Variants in PLTP observed in about 807,000 individuals in gnomAD.
PLTP encodes BPI fold containing family E.
In PLTP, 43 loss-of-function variants were observed where a neutral mutation model predicts 54.1. The observed-to-expected ratio is 0.79, with a 90% CI of 0.62 to 1.02. The LOEUF is 1.02. Among genes scored for constraint, PLTP ranks in the 50% least tolerant of loss-of-function variants. The pLI, the probability that PLTP is intolerant of heterozygous loss-of-function variation, is 0.00. For synonymous variants in PLTP, 263 were observed against 264.6 expected (o/e 0.99, Z 0.06); for missense variants, 604 against 645.9 (o/e 0.94, Z 0.70).
intron 15 of PLTP, among the ~76,000 whole-genome samples, 156 bp from the exon 16 acceptor site, chr20:45,899,219 GT>G (rs2083149360): frequency 6.6e-6 from 1 of 152,104 alleles, no homozygotes; most frequent in African/African-American, 2.4e-5. Context: ...TAGACTATGG[GT>G]GTCAAGGAGG....
rs766999567 is a variant in PLTP, at chr20:45,910,080, G to A, written c.201-10C>T. On this transcript the variant is annotated splice_polypyrimidine_tract_variant and intron_variant, in intron 3 of 15. Coordinates refer to ENST00000372431, the MANE Select transcript of PLTP (RefSeq NM_006227.4). ...CTCTGTGACCTTCACCCTACAGGAG[G>A]CCTCAGGGTCAGATCCAGGGCCAAG... The A allele has an allele frequency of 3.1e-6, 5 of 1,613,688 alleles. No homozygotes were observed. The Admixed American group carries it at 5.0e-5, about 16-fold the overall frequency.
Position 45,911,271 on chromosome 20 carries a change from C to T in PLTP, c.101-20G>A, listed in dbSNP as rs763420037. 2 of 1,613,766 alleles carry T rather than the reference C, an allele frequency of 1.2e-6. No individual in the cohort carries two copies. The highest frequency in any genetic ancestry group is 3.3e-5 in the Admixed American group (2 of 60,034). On this transcript the variant is annotated intron_variant, in intron 2 of 15. Coordinates refer to ENST00000372431, the MANE Select transcript of PLTP (RefSeq NM_006227.4). The stretch of plus-strand genomic sequence containing the variant: ...GCTTCACTGAAGCAGCAGAGAAACC[C>T]TTACTTAGCTCCCGTGCCCACTGTT...
At chr20:45,903,405 G>A (rs534288967) in intron 10 of PLTP, among the ~76,000 whole-genome samples, 46 of 152,202 alleles carry the variant, frequency 3.0e-4, no homozygotes, top group African/African-American at 1.1e-3. Flanking sequence ...TTGCTTTTGT[G>A]TTTTCGTAGA....
In PLTP at chr20:45,899,648, T is replaced by TGCA. The variant is rs1268863302; in HGVS notation, c.1253_1255dup (p.Leu418dup). 6.2e-7 allele frequency: 1 copy of TGCA among 1,613,700 alleles called. No homozygotes were observed. The highest frequency in any genetic ancestry group is 8.5e-7 in the Non-Finnish European group (1 of 1,179,920). On this transcript the variant is annotated inframe_insertion, in exon 14 of 16. Transcript: ENST00000372431. ...ATTGAGCATGGGCATCACCCCAATC[T>TGCA]GCAGCATGGTCTTCAGAGGGGCCTG...
At chr20:45,899,901 G>A in intron 12 of PLTP, 23 bp from the exon 13 acceptor site, 1 of 1,497,582 alleles carries the variant, frequency 6.7e-7, no homozygotes, top group Non-Finnish European at 9.0e-7. Context: ...AAGGAGCCCT[G>A]TGGGCAGGAA....
At chr20:45,906,222 G>A in intron 8 of PLTP, 46 bp downstream of exon 8, 3 of 1,304,058 alleles carry the variant, frequency 2.3e-6, no homozygotes, top group Non-Finnish European at 3.3e-6. Flanking sequence ...AGAGAAAGAG[G>A]TCTTGTTAGG....
At chr20:45,908,502 C>CA (rs2083261039) in intron 5 of PLTP, among the ~76,000 whole-genome samples, 1 of 151,978 alleles carries the variant, frequency 6.6e-6, no homozygotes, top group Non-Finnish European at 1.5e-5. Context: ...TTCTCAGCAG[C>CA]AAAAATAAAA....
At position 45,898,631 on chromosome 20, in the gene PLTP, G is replaced by C. The variant is rs2083140749; in HGVS notation, c.*310C>G. On this transcript the variant is annotated 3_prime_UTR_variant, in exon 16 of 16. Coordinates refer to ENST00000372431, the MANE Select transcript of PLTP (RefSeq NM_006227.4). This position sits in a 1 kb window ranked among gnomAD's most constrained non-coding sequence, Gnocchi z 4.6. The stretch of plus-strand genomic sequence containing the variant: ...TCTCCCATAGACAGCCTGGGGGCAA[G>C]TTAGCACTTTATTCCCGCAGCAGTT... 2.8e-6 allele frequency: 2 copies of C among 725,402 alleles called. No individual in the cohort carries two copies. The highest frequency in any genetic ancestry group is 4.8e-6 in the Non-Finnish European group (2 of 415,380). The allele number at this position is 725,402 out of a possible 1,614,324, so 44.9% of individuals were successfully genotyped here.
intron 10 of PLTP, among the ~76,000 whole-genome samples, chr20:45,903,094 G>A (rs2083202688): frequency 6.6e-6 from 1 of 152,212 alleles, no homozygotes; most frequent in South Asian, 2.1e-4. Flanking sequence ...ATAGAAACGG[G>A]GTTTCGCCAT....
chr20:45,908,602 C>T (rs982384773), intron 5 of PLTP, among the ~76,000 whole-genome samples: 1 of 152,108 alleles, frequency 6.6e-6, no homozygotes, highest in African/African-American at 2.4e-5. Context: ...GAGTTTGAGA[C>T]CAGCGTGGCC....
chr20:45,911,174 G>C lies in PLTP; in HGVS notation c.178C>G (p.His60Asp), dbSNP rs758931989. 4.3e-6 allele frequency: 7 copies of C among 1,613,808 alleles called. No individual in the cohort carries two copies. The highest frequency in any genetic ancestry group is 5.9e-6 in the Non-Finnish European group (7 of 1,179,726). Residue 60 changes from histidine (H) to aspartate (D), a missense_variant, in exon 3 of 16, where the codon CAC becomes GAC. Physicochemically the swap from His to Asp is moderately conservative, Grantham distance 81 (BLOSUM62 -1). Transcript: ENST00000372431. ...TIPDLRGKEG[H>D]FYYNISEVKV... Reference sequence around the variant, plus strand: ...TACTCAGAGATGTTGTAGTAGAAGTGGCCTTCTTTGCCCCGCAGGTCCGGA... The same window carrying C: ...TACTCAGAGATGTTGTAGTAGAAGTCGCCTTCTTTGCCCCGCAGGTCCGGA...
At chr20:45,911,319 C>T in intron 2 of PLTP, 34 bp downstream of exon 2, 1 of 1,613,892 alleles carries the variant, frequency 6.2e-7, no homozygotes, top group Non-Finnish European at 8.5e-7. Context: ...ACCCCGTCCG[C>T]TCCCGTCCGT....
rs745881142 is a variant in PLTP, at chr20:45,910,021, G to A, written c.250C>T (p.Pro84Ser). ...ATTTGAAGCATCAGCTCCTGCTGTG[G>A]CTGGAAATCGAGCTCGGAAGATGTC... The part of the protein sequence containing the change: ...QLTSSELDFQ[P>S]QQELMLQITN... Residue 84 changes from proline (P) to serine (S), a missense_variant, in exon 4 of 16, where the codon CCA (proline) becomes TCA (serine). Coordinates refer to ENST00000372431, the MANE Select transcript of PLTP (RefSeq NM_006227.4). 6.2e-7 allele frequency: 1 copy of A among 1,614,084 alleles called. No homozygotes were observed. The highest frequency in any genetic ancestry group is 8.5e-7 in the Non-Finnish European group (1 of 1,179,966).
rs200777651 is a variant in PLTP at position 45,909,603 on chromosome 20, C to T, written c.398G>A (p.Arg133Gln). The T allele has an allele frequency of 1.0e-4, 162 of 1,614,094 alleles. 1 individual carries two copies. The East Asian group carries it at 2.5e-3, about 25-fold the overall frequency. ...VSIRTGLELS[R>Q]DPAGRMKVSN... Reference sequence around the variant, plus strand: ...CACTTTCATCCGTCCAGCGGGATCCCGGGAGAGCTCCAGACCAGTGCGGAT... The same window carrying T: ...CACTTTCATCCGTCCAGCGGGATCCTGGGAGAGCTCCAGACCAGTGCGGAT... Residue 133 changes from arginine to glutamine, a missense_variant, in exon 5 of 16, where the codon CGG becomes CAG. Arg to Gln is a conservative substitution (Grantham distance 43). Coordinates refer to ENST00000372431, the MANE Select transcript of PLTP (RefSeq NM_006227.4).
In PLTP at chr20:45,912,071, C is replaced by G. The variant is rs576845226; in HGVS notation, c.-12+8G>C. The G allele has an allele frequency of 1.3e-5, 2 of 156,620 alleles. No homozygotes were observed. Among genetic ancestry groups the G allele is most frequent in the East Asian group, 3.8e-4 (2 of 5,330 alleles). 9.7% of individuals were successfully genotyped at this position (156,620 alleles called of 1,614,324 possible). On this transcript the variant is annotated splice_region_variant and intron_variant, in intron 1 of 15. Coordinates refer to ENST00000372431, the MANE Select transcript of PLTP (RefSeq NM_006227.4). ...CTGGGAACGGGATAGGGACGCGCCCCAACTCACTCAGCGGTGGAGCTGGGG... is the reference window on the plus strand; with the variant it reads ...CTGGGAACGGGATAGGGACGCGCCCGAACTCACTCAGCGGTGGAGCTGGGG...
rs966829134 is a variant in PLTP at position 45,898,687 on chromosome 20, C to T, written c.*254G>A. On this transcript the variant is annotated 3_prime_UTR_variant, in exon 16 of 16. Coordinates refer to ENST00000372431, the MANE Select transcript of PLTP (RefSeq NM_006227.4). The surrounding 1 kb of genome is among the most constrained non-coding windows in gnomAD (Gnocchi z 4.6). ...ATGGGGTGGCCTGGCCCCTTCTCTG[C>T]TTAAAGAATGCCCTTTATGATGCAC... is the stretch of plus-strand genomic sequence containing the variant. 2 of 663,592 alleles carry T rather than the reference C, an allele frequency of 3.0e-6. No individual in the cohort carries two copies. The highest frequency in any genetic ancestry group is 5.2e-6 in the Non-Finnish European group (2 of 381,204). The allele number at this position is 663,592 out of a possible 1,614,324, so 41.1% of individuals were successfully genotyped here.
chr20:45,906,490 T>A, intron 7 of PLTP, 131 bp from the exon 8 acceptor site: 1 of 743,196 alleles, frequency 1.3e-6, no homozygotes, highest in Non-Finnish European at 2.4e-6. Context: ...GTCAAATTAG[T>A]TTTATGTGGA....
At position 45,904,750 on chromosome 20, in the gene PLTP, G is replaced by A. The variant is rs368639198; in HGVS notation, c.942+50C>T. ...GGGGGCCCCACCTGCACCCCTCCTT[G>A]GTCTCACTGGTGTGCAGGTGGCCCT... is the stretch of plus-strand genomic sequence containing the variant. On this transcript the variant is annotated intron_variant, in intron 10 of 15. Coordinates refer to ENST00000372431, the MANE Select transcript of PLTP (RefSeq NM_006227.4). The A allele has an allele frequency of 4.4e-6, 7 of 1,587,706 alleles. No individual in the cohort carries two copies. In the South Asian group the frequency reaches 6.6e-5, roughly 15 times the overall value.
intron 12 of PLTP, among the ~76,000 whole-genome samples, chr20:45,900,457 T>C (rs1398766043): frequency 6.6e-6 from 1 of 152,060 alleles, no homozygotes; most frequent in Non-Finnish European, 1.5e-5. Context: ...TTGCAGGTGT[T>C]ATTTATTTTA....
Sources: allele counts gnomAD v4.1 joint callset (sites outside exome capture counted in the v4.1 genomes callset), GRCh38; gene constraint gnomAD v4.1.1; non-coding constraint Gnocchi (gnomAD v3.1); transcripts MANE v1.5; gene names NCBI Gene and HGNC (gene_info 2026-07-23, HGNC 2026-07-21).